ERICH6B: variants seen among roughly 807,000 people sequenced by gnomAD.
ERICH6B encodes the protein glutamate-rich protein 6B.
ERICH6B carries 69 observed loss-of-function variants against 80.0 expected under a neutral mutation model. The observed-to-expected ratio is 0.86, with a 90% CI of 0.71 to 1.05. The LOEUF (loss-of-function observed/expected upper bound fraction) is 1.05, where lower values mean the gene tolerates loss of function less well. Among genes scored for constraint, ERICH6B ranks in the 50% least tolerant of loss-of-function variants. ERICH6B has a pLI of 0.00. For missense variants in ERICH6B, 754 were observed against 796.1 expected (o/e 0.95, Z 0.64); for synonymous variants, 283 against 291.9 (o/e 0.97, Z 0.31).
Position 45,568,371 on chromosome 13 carries a change from A to G in ERICH6B, c.1131T>C (p.Phe377=). The part of the protein sequence containing the change: ...MAAHNELEED[F]DIPLTKLLES... ...CCAGTAGCTTAGTTAGGGGAATGTC[A>G]AAATCCTCTTCCAGTTCATTGTGAG... is the stretch of plus-strand genomic sequence containing the variant. The change falls in exon 9 of 15, where the codon TTT becomes TTC. Residue 377 remains phenylalanine, a synonymous_variant. Coordinates refer to ENST00000298738, the MANE Select transcript of ERICH6B (RefSeq NM_182542.3). 2.6e-6 allele frequency: 4 copies of G among 1,549,400 alleles called. No individual in the cohort carries two copies. The highest frequency in any genetic ancestry group is 3.5e-6 in the Non-Finnish European group (4 of 1,146,184).
At chr13:45,603,994 C>T (rs549113129) in intron 2 of ERICH6B, among the ~76,000 whole-genome samples, 1 of 152,334 alleles carries the variant, frequency 6.6e-6, no homozygotes, top group East Asian at 1.9e-4. Context: ...TCCTTCCACC[C>T]TTCTGTGGAT....
chr13:45,590,525 C>T (rs1876113656), intron 4 of ERICH6B, 124 bp downstream of exon 4: 1 of 855,784 alleles, frequency 1.2e-6, no homozygotes, highest in Non-Finnish European at 1.8e-6. Context: ...CCAGGAACCC[C>T]CACTAAACTC....
At position 45,548,026 on chromosome 13, in the gene ERICH6B, C is replaced by G. The variant is rs956758628; in HGVS notation, c.1646+1867G>C. 3.5e-4 allele frequency among the ~76,000 whole-genome samples: 53 copies of G among 152,260 alleles called. 1 individual carries two copies. Among genetic ancestry groups the G allele is most frequent in the African/African-American group, 1.0e-3 (43 of 41,540 alleles). ...ATCCTGAACTGTTGAATGAGTAGAA[C>G]CCACCCACCAGGGACCCTGAGTTTG... On this transcript the variant is annotated intron_variant, in intron 13 of 14. Coordinates refer to ENST00000298738, the MANE Select transcript of ERICH6B (RefSeq NM_182542.3).
At chr13:45,588,585 C>T (rs1380790638) in intron 4 of ERICH6B, among the ~76,000 whole-genome samples, 3 of 152,178 alleles carry the variant, frequency 2.0e-5, no homozygotes, top group Non-Finnish European at 4.4e-5. Context: ...ACCTGGTGCC[C>T]ACTGGGACCC....
chr13:45,562,500 G>A (rs146109818), intron 10 of ERICH6B, among the ~76,000 whole-genome samples: 21 of 152,280 alleles, frequency 1.4e-4, no homozygotes, highest in African/African-American at 4.6e-4. Context: ...CTTAACAGTG[G>A]GAGCTGAGTG....
intron 10 of ERICH6B, 65 bp from the exon 11 acceptor site, chr13:45,561,591 T>A (rs962433740): frequency 1.4e-5 from 21 of 1,520,162 alleles, no homozygotes; most frequent in African/African-American, 2.8e-5. Context: ...GAAACTTAGA[T>A]CTGTCTCTCT....
intron 8 of ERICH6B, among the ~76,000 whole-genome samples, chr13:45,571,451 T>A (rs534081751): frequency 4.4e-4 from 67 of 152,254 alleles, no homozygotes; most frequent in African/African-American, 1.5e-3. Context: ...CCTAGGCTCA[T>A]GTGTAAACAC....
rs750265079 is a variant in ERICH6B at position 45,590,703 on chromosome 13, G to A, written c.638-6C>T. 1.3e-6 allele frequency: 2 copies of A among 1,547,978 alleles called. No homozygotes were observed. Among genetic ancestry groups the A allele is most frequent in the South Asian group, 1.2e-5 (1 of 82,936 alleles). On this transcript the variant is annotated splice_region_variant and splice_polypyrimidine_tract_variant and intron_variant, in intron 3 of 14. Transcript: ENST00000298738. ...TGAATAACTTGCCTTGGGTTCTATT[G>A]GAAAAAAGAATAAAAAAGCAATATT...
intron 11 of ERICH6B, among the ~76,000 whole-genome samples, chr13:45,554,914 T>C (rs1874373695): frequency 6.6e-6 from 1 of 152,232 alleles, no homozygotes; most frequent in Non-Finnish European, 1.5e-5. Flanking sequence ...ATTTATTGCC[T>C]GTTTGTAAAA....
At chr13:45,559,060 A>C (rs1459380811) in intron 11 of ERICH6B, among the ~76,000 whole-genome samples, 1 of 151,892 alleles carries the variant, frequency 6.6e-6, no homozygotes, top group Non-Finnish European at 1.5e-5. Flanking sequence ...TAATTTTTAA[A>C]ATTACCATTT....
intron 2 of ERICH6B, among the ~76,000 whole-genome samples, chr13:45,603,881 T>C (rs1293837734): frequency 6.6e-6 from 1 of 152,192 alleles, no homozygotes; most frequent in African/African-American, 2.4e-5. Context: ...GGATCTTGGT[T>C]TGATTTACTG....
intron 11 of ERICH6B, among the ~76,000 whole-genome samples, chr13:45,557,691 C>T (rs1351603750): frequency 6.6e-6 from 1 of 152,126 alleles, no homozygotes; most frequent in African/African-American, 2.4e-5. Flanking sequence ...ATAAGATGTC[C>T]TTTCTCCACT....
chr13:45,594,256 G>A (rs114495030), intron 3 of ERICH6B, among the ~76,000 whole-genome samples: 1,725 of 152,224 alleles, frequency 0.011, 31 homozygotes, highest in African/African-American at 0.038. Context: ...AGCCTTGAAA[G>A]GCATTTCAGC....
intron 3 of ERICH6B, among the ~76,000 whole-genome samples, chr13:45,592,830 A>G (rs1247021238): frequency 1.3e-5 from 2 of 152,150 alleles, no homozygotes; most frequent in African/African-American, 4.8e-5. Flanking sequence ...AGTATTTTAT[A>G]CCTTACAATT....
intron 3 of ERICH6B, among the ~76,000 whole-genome samples, chr13:45,594,211 C>T (rs966829208): frequency 4.6e-5 from 7 of 152,110 alleles, no homozygotes; most frequent in African/African-American, 1.7e-4. Context: ...TATCTTGAAA[C>T]CCTAGAATTT....
At chr13:45,592,198 C>T (rs1925754) in intron 3 of ERICH6B, among the ~76,000 whole-genome samples, 59,498 of 152,086 alleles carry the variant, frequency 0.39, 13,501 homozygotes, top group Non-Finnish European at 0.5. Flanking sequence ...ACAATATGTA[C>T]CCTATGCCAT....
chr13:45,607,181 A>G (rs546492231), intron 2 of ERICH6B, among the ~76,000 whole-genome samples: 72 of 152,320 alleles, frequency 4.7e-4, no homozygotes, highest in South Asian at 8.3e-4. Flanking sequence ...TTTACTCCCA[A>G]TGGAGTTCTG....
At chr13:45,605,022 A>G (rs997560039) in intron 2 of ERICH6B, among the ~76,000 whole-genome samples, 2 of 152,122 alleles carry the variant, frequency 1.3e-5, no homozygotes, top group African/African-American at 2.4e-5. Context: ...TCCACTCTCT[A>G]AAGCTCTTCC....
chr13:45,576,351 C>T (rs751039252), intron 7 of ERICH6B, among the ~76,000 whole-genome samples: 3 of 152,230 alleles, frequency 2.0e-5, no homozygotes, highest in Non-Finnish European at 2.9e-5. Context: ...CAATGCCACC[C>T]CCACTGGGGT....
Sources: gnomAD v4.1 joint callset for allele counts (sites outside exome capture counted in the v4.1 genomes callset) on GRCh38, gnomAD v4.1.1 for gene constraint, MANE v1.5 for transcripts, NCBI Gene and HGNC (gene_info 2026-07-23, HGNC 2026-07-21) for gene names.